EXOC6B: variants seen among roughly 807,000 people sequenced by gnomAD.
The protein encoded by EXOC6B is exocyst complex component 6B.
EXOC6B carries 54 observed loss-of-function variants against 113.5 expected under a neutral mutation model. The observed-to-expected ratio is 0.48, with a 90% CI of 0.38 to 0.60. EXOC6B has a LOEUF of 0.60. Ranked by LOEUF, EXOC6B falls within the 20% of genes least tolerant of loss-of-function variation. The pLI is 0.00. For synonymous variants in EXOC6B, 357 were observed against 339.0 expected (o/e 1.05, Z -0.58); for missense variants, 797 against 977.5 (o/e 0.82, Z 2.46).
chr2:72,238,751 C>A (rs577685592), intron 20 of EXOC6B, among the ~76,000 whole-genome samples: 9 of 152,170 alleles, frequency 5.9e-5, no homozygotes, highest in African/African-American at 2.2e-4. Context: ...ATTATGCTAT[C>A]TTTTTATTAT....
At chr2:72,777,293 G>A (rs1683762916) in intron 1 of EXOC6B, among the ~76,000 whole-genome samples, 1 of 152,058 alleles carries the variant, frequency 6.6e-6, no homozygotes, top group Admixed American at 6.6e-5. Flanking sequence ...CAAGAGAGAA[G>A]CAACTCATTG....
At chr2:72,539,967 T>G (rs1395768054) in intron 8 of EXOC6B, among the ~76,000 whole-genome samples, 3 of 108,638 alleles carry the variant, frequency 2.8e-5, no homozygotes, top group Non-Finnish European at 5.2e-5. Flanking sequence ...CCCACAACAG[T>G]CCCCAGAGTG....
intron 20 of EXOC6B, among the ~76,000 whole-genome samples, chr2:72,250,327 A>G (rs1478069932): frequency 6.6e-6 from 1 of 152,106 alleles, no homozygotes; most frequent in Admixed American, 6.6e-5. Flanking sequence ...AGACAGGAAC[A>G]TATTTTTTAA....
At position 72,704,184 on chromosome 2, in the gene EXOC6B, C is replaced by A. The variant is rs1282788448; in HGVS notation, c.669+13919G>T. On this transcript the variant is annotated intron_variant, in intron 6 of 21. Transcript: ENST00000272427. ...CAGGATTAAGAATCTCACTCAAAAC[C>A]GCTCAACTACATGGAAACTGAACAA... 3.3e-5 allele frequency among the ~76,000 whole-genome samples: 5 copies of A among 149,748 alleles called. No homozygotes were observed. In the Admixed American group the frequency reaches 3.3e-4, roughly 10 times the overall value.
At chr2:72,365,350 CTG>C in intron 19 of EXOC6B, among the ~76,000 whole-genome samples, 1 of 151,938 alleles carries the variant, frequency 6.6e-6, no homozygotes, top group East Asian at 1.9e-4. Context: ...AAAAAAAATC[CTG>C]GAAACCTGGA....
rs560986033 is a variant in EXOC6B at position 72,505,811 on chromosome 2, C to T, written c.1168-5839G>A. ...CTTTTATTAGTTTAAGGAATTCTCT[C>T]CAGTTTCTAATTTACTAAGAAATTT... On this transcript the variant is annotated intron_variant, in intron 11 of 21. Transcript: ENST00000272427. 3.3e-5 allele frequency among the ~76,000 whole-genome samples: 5 copies of T among 152,176 alleles called. No homozygotes were observed. The East Asian group carries it at 5.8e-4, about 18-fold the overall frequency.
At position 72,797,812 on chromosome 2, in the gene EXOC6B, A is replaced by AAATT. The variant is rs201097534; in HGVS notation, c.113+27982_113+27985dup. 5.9e-3 allele frequency among the ~76,000 whole-genome samples: 898 copies of AAATT among 151,834 alleles called. 8 individuals are homozygous for AAATT. Among genetic ancestry groups the AAATT allele is most frequent in the African/African-American group, 0.017 (700 of 41,374 alleles). ...GACAACAAAGCGAGACTTCGTCTCAAAATTAATTAATTAATTAATTAATTA... is the reference window on the plus strand; with the variant it reads ...GACAACAAAGCGAGACTTCGTCTCAAAATTAATTAATTAATTAATTAATTAATTA... On this transcript the variant is annotated intron_variant, in intron 1 of 21. Transcript: ENST00000272427.
intron 6 of EXOC6B, among the ~76,000 whole-genome samples, chr2:72,704,261 G>C (rs1286583876): frequency 6.6e-6 from 1 of 151,040 alleles, no homozygotes; most frequent in South Asian, 2.1e-4. Context: ...CACAAATAAA[G>C]ATGTTCTTTG....
intron 8 of EXOC6B, among the ~76,000 whole-genome samples, chr2:72,535,486 A>G (rs1290775546): frequency 1.3e-5 from 2 of 152,176 alleles, no homozygotes; most frequent in African/African-American, 2.4e-5. Flanking sequence ...TAAAATGGGT[A>G]AGGAAAACCA....
At chr2:72,571,370 A>T (rs897265137) in intron 7 of EXOC6B, among the ~76,000 whole-genome samples, 11 of 152,078 alleles carry the variant, frequency 7.2e-5, no homozygotes, top group African/African-American at 2.2e-4. Context: ...TGGGCAACAT[A>T]GTGAAGCCTC....
intron 6 of EXOC6B, among the ~76,000 whole-genome samples, chr2:72,688,891 T>C (rs1244469082): frequency 6.6e-5 from 10 of 152,212 alleles, no homozygotes; most frequent in Admixed American, 5.2e-4. Flanking sequence ...TGCACAACTG[T>C]ACAACATTTT....
intron 13 of EXOC6B, among the ~76,000 whole-genome samples, 185 bp from the exon 14 acceptor site, chr2:72,496,744 A>T (rs909761560): frequency 7.2e-5 from 11 of 151,934 alleles, no homozygotes; most frequent in Admixed American, 3.3e-4. Context: ...CAATATAGCT[A>T]TTTGGTTTTG....
At chr2:72,232,136 G>A (rs1355986408) in intron 20 of EXOC6B, among the ~76,000 whole-genome samples, 1 of 151,964 alleles carries the variant, frequency 6.6e-6, no homozygotes, top group Non-Finnish European at 1.5e-5. Context: ...ACCACTCCTG[G>A]ATAATTTTTT....
intron 1 of EXOC6B, among the ~76,000 whole-genome samples, chr2:72,774,069 G>T (rs374277428): frequency 6.6e-6 from 1 of 152,026 alleles, no homozygotes; most frequent in Non-Finnish European, 1.5e-5. Flanking sequence ...GTAACATCAG[G>T]CACTGGTCAT....
At chr2:72,587,205 A>C (rs948640581) in intron 6 of EXOC6B, among the ~76,000 whole-genome samples, 1 of 152,224 alleles carries the variant, frequency 6.6e-6, no homozygotes, top group African/African-American at 2.4e-5. Flanking sequence ...AAAATGTGGT[A>C]CATATACATC....
At chr2:72,725,194 C>CA (rs1558951631) in intron 5 of EXOC6B, among the ~76,000 whole-genome samples, 2 of 152,296 alleles carry the variant, frequency 1.3e-5, no homozygotes. Flanking sequence ...AGAGAAAAGA[C>CA]ATACTACTTA....
chr2:72,384,715 T>A (rs638854), intron 18 of EXOC6B, among the ~76,000 whole-genome samples: 1 of 151,808 alleles, frequency 6.6e-6, no homozygotes, highest in African/African-American at 2.4e-5. Flanking sequence ...TGTTTCTATA[T>A]GCTAACAACA....
chr2:72,787,630 C>G (rs940437224), intron 1 of EXOC6B, among the ~76,000 whole-genome samples: 1 of 151,838 alleles, frequency 6.6e-6, no homozygotes, highest in Admixed American at 6.6e-5. Context: ...AATTAAGACC[C>G]AGAAAGAAAT....
chr2:72,519,591 G>A (rs181910675), intron 8 of EXOC6B, among the ~76,000 whole-genome samples: 236 of 152,288 alleles, frequency 1.5e-3, no homozygotes, highest in African/African-American at 5.0e-3. Flanking sequence ...TGATGAAAAT[G>A]TGACCAGAAG....
Sources: gnomAD v4.1 joint callset for allele counts (sites outside exome capture counted in the v4.1 genomes callset) on GRCh38, gnomAD v4.1.1 for gene constraint, MANE v1.5 for transcripts, NCBI Gene and HGNC (gene_info 2026-07-23, HGNC 2026-07-21) for gene names.